Variants in ULK1 observed in about 807,000 individuals in gnomAD.
The protein encoded by ULK1 is unc-51 like autophagy activating kinase 1.
A neutral mutation model predicts 117.5 loss-of-function variants in ULK1; 48 were observed. The ratio of observed to expected loss-of-function variants is 0.41; its 90% CI spans 0.32 to 0.52. The LOEUF is 0.52. Among genes scored for constraint, ULK1 ranks in the 20% least tolerant of loss-of-function variants. The pLI, the probability that ULK1 is intolerant of heterozygous loss-of-function variation, is 0.29. For missense variants in ULK1, 1,387 were observed against 1,473.4 expected (o/e 0.94, Z 0.96); for synonymous variants, 790 against 637.8 (o/e 1.24, Z -3.60).
In ULK1 at chr12:131,921,760, C is replaced by A. The variant is rs775213513; in HGVS notation, c.*399C>A. 2 of 533,914 alleles carry A rather than the reference C, an allele frequency of 3.7e-6. No homozygotes were observed. The highest frequency in any genetic ancestry group is 4.7e-5 in the East Asian group (1 of 21,302). 33.1% of individuals were successfully genotyped at this position (533,914 alleles called of 1,614,324 possible). On this transcript the variant is annotated 3_prime_UTR_variant, in exon 28 of 28. Transcript: ENST00000321867. Reference sequence around the variant, plus strand: ...CAGCAGGCACTGTGCCCAGGAAGAGCCTGCGGCCTCGGCGTCCCCCAGTCT... The same window carrying A: ...CAGCAGGCACTGTGCCCAGGAAGAGACTGCGGCCTCGGCGTCCCCCAGTCT...
rs569453912 is a variant in ULK1 at position 131,915,371 on chromosome 12, C to T, written c.1559C>T (p.Thr520Met). 3.6e-5 allele frequency: 58 copies of T among 1,612,696 alleles called. No homozygotes were observed. The highest frequency in any genetic ancestry group is 3.3e-4 in the Middle Eastern group (2 of 6,082). Residue 520 changes from threonine to methionine, a missense_variant, in exon 18 of 28, where the codon ACG becomes ATG. This residue lies in a region of ULK1 where 900 missense variants were observed against 858.9 expected (regional missense o/e 1.05). Coordinates refer to ENST00000321867, the MANE Select transcript of ULK1 (RefSeq NM_003565.4). ...TIPERPGWSG[T>M]PSPQGAEMRG... ...CCTGAGCGGCCAGGCTGGAGCGGGA[C>T]GCCCTCCCCACAGGGAGCTGAGATG...
chr12:131,900,524 C>T (rs1366719214), intron 3 of ULK1, among the ~76,000 whole-genome samples: 2 of 152,168 alleles, frequency 1.3e-5, no homozygotes, highest in East Asian at 3.9e-4. Flanking sequence ...CTTGCCTGGC[C>T]CCAGGAGTGC....
intron 14 of ULK1, 73 bp downstream of exon 14, chr12:131,913,331 A>G: frequency 7.0e-7 from 1 of 1,419,696 alleles, no homozygotes; most frequent in South Asian, 1.5e-5. Flanking sequence ...CGTGTTATTT[A>G]CAATGAGCCG....
intron 22 of ULK1, 66 bp downstream of exon 22, chr12:131,917,620 G>A (rs991563320): frequency 8.4e-6 from 11 of 1,304,250 alleles, no homozygotes; most frequent in Admixed American, 3.5e-5. Context: ...GCGGACGGGG[G>A]CATCCTTTAA....
chr12:131,901,351 G>C (rs1414642612), intron 3 of ULK1, among the ~76,000 whole-genome samples: 8 of 146,600 alleles, frequency 5.5e-5, no homozygotes, highest in African/African-American at 2.0e-4. Flanking sequence ...AGCGAGACTC[G>C]TCTCAAAAAA....
intron 26 of ULK1, chr12:131,920,450 C>G: frequency 2.9e-6 from 1 of 350,744 alleles, no homozygotes; most frequent in Non-Finnish European, 5.3e-6. Context: ...GAAGCAGCAC[C>G]TGGTCCCGGA....
chr12:131,919,827 C>G (rs1045491678), intron 25 of ULK1, 152 bp from the exon 26 acceptor site: 8 of 1,213,004 alleles, frequency 6.6e-6, no homozygotes, highest in Non-Finnish European at 9.1e-6. Context: ...GGACAAGGTG[C>G]GGAGCCTGGC....
At chr12:131,919,905 C>T (rs572551693) in intron 25 of ULK1, 74 bp from the exon 26 acceptor site, 151 of 1,559,400 alleles carry the variant, frequency 9.7e-5, no homozygotes, top group Middle Eastern at 8.5e-4. Context: ...CTCAGTGCAC[C>T]GGGCAGATCA....
intron 23 of ULK1, 65 bp downstream of exon 23, chr12:131,918,746 C>A (rs116896670): frequency 0.14 from 62,110 of 441,896 alleles, 3,094 homozygotes; most frequent in East Asian, 0.44. Context: ...TGTGGGGTGT[C>A]GGGTGTGTGG....
At position 131,895,125 on chromosome 12, in the gene ULK1, T is replaced by C; in HGVS notation, c.111+13T>C. On this transcript the variant is annotated intron_variant, in intron 1 of 27. Transcript: ENST00000321867. ...CCGCCACCGCGAGGTGAGGCCCCCG[T>C]CCGGCCCGGGATCCCCCGCCCAGGA... The C allele has an allele frequency of 6.6e-7, 1 of 1,511,038 alleles. No individual in the cohort carries two copies. Among genetic ancestry groups the C allele is most frequent in the Non-Finnish European group, 8.8e-7 (1 of 1,136,548 alleles). The allele number at this position is 1,511,038 out of a possible 1,614,324, so 93.6% of individuals were successfully genotyped here.
In ULK1 at chr12:131,908,813, G is replaced by A; in HGVS notation, c.486G>A (p.Lys162=). The A allele has an allele frequency of 6.2e-7, 1 of 1,606,362 alleles. No homozygotes were observed. Among genetic ancestry groups the A allele is most frequent in the Non-Finnish European group, 8.5e-7 (1 of 1,177,054 alleles). ...RRANPNSIRV[K]IADFGFARYL... The stretch of plus-strand genomic sequence containing the variant: ...CCAACCCCAACAGCATCCGCGTCAA[G>A]ATCGGTCAGCCCGCGGGCAGGCAGG... The change falls in exon 6 of 28, where the codon AAG becomes AAA. Residue 162 remains lysine (K), a synonymous_variant. Transcript: ENST00000321867.
chr12:131,908,360 C>T (rs1388434695), intron 5 of ULK1, among the ~76,000 whole-genome samples: 2 of 152,066 alleles, frequency 1.3e-5, no homozygotes, highest in African/African-American at 2.4e-5. Flanking sequence ...GGCGGAACCG[C>T]GGTGGCACTG....
At chr12:131,915,741 C>A in intron 18 of ULK1, 150 bp from the exon 19 acceptor site, 1 of 1,131,838 alleles carries the variant, frequency 8.8e-7, no homozygotes, top group Non-Finnish European at 1.2e-6. Context: ...CGCACTCCAG[C>A]CTGAATGACA....
Position 131,915,961 on chromosome 12 carries a change from G to A in ULK1, c.1680G>A (p.Leu560=). 2 of 1,612,392 alleles carry A rather than the reference G, an allele frequency of 1.2e-6. No homozygotes were observed. Among genetic ancestry groups the A allele is most frequent in the African/African-American group, 1.3e-5 (1 of 74,992 alleles). ...GCCGCCTGCACAGCGCCCCCAACCT[G>A]TCTGACTTGCACGTCGTCCGCCCCA... ...LGCRLHSAPN[L]SDLHVVRPKL... is the part of the protein sequence containing the mutation. The change falls in exon 19 of 28, where the codon CTG becomes CTA. Residue 560 remains leucine (L), a synonymous_variant. Coordinates refer to ENST00000321867, the MANE Select transcript of ULK1 (RefSeq NM_003565.4).
intron 13 of ULK1, among the ~76,000 whole-genome samples, chr12:131,912,330 C>A (rs573885666): frequency 6.6e-6 from 1 of 152,322 alleles, no homozygotes; most frequent in South Asian, 2.1e-4. Context: ...GGCCTGGTCT[C>A]CTTAGACAGT....
At chr12:131,919,090 G>C in intron 23 of ULK1, 122 bp from the exon 24 acceptor site, 1 of 1,142,416 alleles carries the variant, frequency 8.8e-7, no homozygotes, top group Middle Eastern at 3.0e-4. Flanking sequence ...CCAGCTGCCC[G>C]GGCTGCAGCA....
chr12:131,910,665 A>G (rs1290702795), intron 11 of ULK1, 47 bp from the exon 12 acceptor site: 3 of 1,612,670 alleles, frequency 1.9e-6, no homozygotes, highest in Non-Finnish European at 8.5e-7. Flanking sequence ...GAGGGTGAGG[A>G]GGAGACAGGA....
chr12:131,914,016 G>A (rs1037249999), intron 15 of ULK1, among the ~76,000 whole-genome samples, 180 bp downstream of exon 15: 1 of 152,256 alleles, frequency 6.6e-6, no homozygotes, highest in Non-Finnish European at 1.5e-5. Flanking sequence ...ATAGTGGGAG[G>A]AGCATTGACA....
At position 131,917,526 on chromosome 12, in the gene ULK1, C is replaced by G. The variant is rs775977301; in HGVS notation, c.2298C>G (p.Pro766=). The G allele has an allele frequency of 1.7e-5, 25 of 1,449,410 alleles. No homozygotes were observed. The Admixed American group carries it at 2.0e-4, about 12-fold the overall frequency. The allele number at this position is 1,449,410 out of a possible 1,614,324, so 89.8% of individuals were successfully genotyped here. The change falls in exon 22 of 28, where the codon CCC becomes CCG. Residue 766 remains proline (P), a synonymous_variant. Coordinates refer to ENST00000321867, the MANE Select transcript of ULK1 (RefSeq NM_003565.4). ...CTCCCCCGAGCGGGAGCACGCCCCC[C>G]CAGGGCCCCCGCACCAGGATGTTCT... ...VGSPPSGSTP[P]QGPRTRMFSA... is the part of the protein sequence containing the mutation.
Sources: gnomAD v4.1 joint callset for allele counts (sites outside exome capture counted in the v4.1 genomes callset) on GRCh38, gnomAD v4.1.1 for gene constraint, gnomAD v4.1.1 regional missense constraint, MANE v1.5 for transcripts, NCBI Gene and HGNC (gene_info 2026-07-23, HGNC 2026-07-21) for gene names.